Variants in CASP6 observed in about 807,000 individuals in gnomAD.
CASP6 encodes the protein caspase 6.
Under a neutral mutation model 31.8 loss-of-function variants are expected in CASP6, and 20 were observed. The ratio of observed to expected loss-of-function variants is 0.63; its 90% CI spans 0.44 to 0.91. The LOEUF is 0.91. Ranked by LOEUF, CASP6 falls within the 40% of genes least tolerant of loss-of-function variation. CASP6 has a pLI of 0.00. For missense variants in CASP6, 328 were observed against 361.1 expected (o/e 0.91, Z 0.74); for synonymous variants, 130 against 127.8 (o/e 1.02, Z -0.12).
the CASP6 span, among the ~76,000 whole-genome samples, chr4:109,666,749 C>T: frequency 6.6e-6 from 1 of 152,146 alleles, no homozygotes; most frequent in East Asian, 1.9e-4. Context: ...TTGTCTTTCA[C>T]AAGTTGAGGA....
chr4:109,703,493 C>T, upstream of CASP6: 4 of 1,467,974 alleles, frequency 2.7e-6, no homozygotes, highest in Non-Finnish European at 3.7e-6. Flanking sequence ...GGCGGCCCCG[C>T]CCCCTGCCCC....
At chr4:109,708,208 A>G (rs759438698), upstream of CASP6, among the ~76,000 whole-genome samples, 1 of 152,216 alleles carries the variant, frequency 6.6e-6, no homozygotes, top group Non-Finnish European at 1.5e-5. Flanking sequence ...GTTTTTACTC[A>G]AACCATTTAC....
the CASP6 span, among the ~76,000 whole-genome samples, chr4:109,669,657 C>A: frequency 6.7e-6 from 1 of 149,850 alleles, no homozygotes; most frequent in South Asian, 2.1e-4. Context: ...ACATGTTATT[C>A]ATTTTGTGGC....
At position 109,688,889 on chromosome 4, in the gene CASP6, G is replaced by GTTCTCTTCTCTGAGTTCTC. The variant is rs68111507; in HGVS notation, c.*440_*441insGAGAACTCAGAGAAGAGAA. ...ACTTTTTTTTTTTTTTTTTAAGGCA[G>GTTCTCTTCTCTGAGTTCTC]TTCTCTGCTAGGCATTAAACTTTAA... On this transcript the variant is annotated 3_prime_UTR_variant, in exon 7 of 7. Transcript: ENST00000265164. 2.0e-5 allele frequency: 3 copies of GTTCTCTTCTCTGAGTTCTC among 146,814 alleles called. No homozygotes were observed. Among genetic ancestry groups the GTTCTCTTCTCTGAGTTCTC allele is most frequent in the African/African-American group, 7.6e-5 (3 of 39,548 alleles). The allele number at this position is 146,814 out of a possible 1,614,324, so 9.1% of individuals were successfully genotyped here. A position where few individuals can be genotyped will look rare whatever the true frequency, so the allele number is the denominator to read the frequency against.
rs1561256513 is a variant in CASP6, at chr4:109,689,577, G to T, written c.644-9C>A. 1 of 1,608,972 alleles carries T rather than the reference G, an allele frequency of 6.2e-7. No homozygotes were observed. The highest frequency in any genetic ancestry group is 1.1e-5 in the South Asian group (1 of 90,790). ...CCGGTGAGAATAATATCCTAAAAAA[G>T]TGAGAAGGAAAATGTTGCTGCAGTT... On this transcript the variant is annotated splice_polypyrimidine_tract_variant and intron_variant, in intron 6 of 6. Transcript: ENST00000265164.
At chr4:109,667,453 G>A in the CASP6 span, among the ~76,000 whole-genome samples, 1 of 151,738 alleles carries the variant, frequency 6.6e-6, no homozygotes, top group Non-Finnish European at 1.5e-5. Flanking sequence ...TTTCTACCAT[G>A]AGTAACTTGT....
At chr4:109,692,968 G>A (rs1730123013) in intron 5 of CASP6, among the ~76,000 whole-genome samples, 1 of 152,208 alleles carries the variant, frequency 6.6e-6, no homozygotes, top group Admixed American at 6.5e-5. Context: ...AGTGTGGGAG[G>A]TGAAGCCTGG....
At chr4:109,707,532 G>A (rs966437573), upstream of CASP6, among the ~76,000 whole-genome samples, 16 of 151,872 alleles carry the variant, frequency 1.1e-4, no homozygotes, top group African/African-American at 3.4e-4. Flanking sequence ...GATTACAGGC[G>A]TGCACTACCA....
At chr4:109,686,805 G>A (rs1456364820), downstream of CASP6, among the ~76,000 whole-genome samples, 1 of 152,178 alleles carries the variant, frequency 6.6e-6, no homozygotes, top group Non-Finnish European at 1.5e-5. Flanking sequence ...GAACCCAAGA[G>A]TTCCAAAGCT....
chr4:109,708,556 C>T (rs1196652734), upstream of CASP6, among the ~76,000 whole-genome samples: 1 of 152,182 alleles, frequency 6.6e-6, no homozygotes, highest in Non-Finnish European at 1.5e-5. Flanking sequence ...AGTTATCTGA[C>T]CACCAGAACT....
chr4:109,698,447 T>C, intron 1 of CASP6, 105 bp from the exon 2 acceptor site: 1 of 937,180 alleles, frequency 1.1e-6, no homozygotes, highest in East Asian at 2.7e-5. Flanking sequence ...AAGACCCTTC[T>C]GTTTTGGTTA....
At chr4:109,690,247 AACGC>A (rs1224908159) in intron 6 of CASP6, among the ~76,000 whole-genome samples, 4 of 143,398 alleles carry the variant, frequency 2.8e-5, no homozygotes, top group Non-Finnish European at 6.0e-5. Flanking sequence ...AAAAAAAAAA[AACGC>A]ACGCACGCAC....
downstream of CASP6, chr4:109,687,598 C>T: frequency 4.4e-6 from 7 of 1,586,556 alleles, no homozygotes; most frequent in Non-Finnish European, 5.2e-6. Context: ...ATTAATCTTA[C>T]AGTTTTAAAT....
the CASP6 span, among the ~76,000 whole-genome samples, chr4:109,673,378 C>T: frequency 6.6e-6 from 1 of 152,210 alleles, no homozygotes; most frequent in African/African-American, 2.4e-5. Context: ...CTCCTGCCCA[C>T]TCATTAGAAA....
the CASP6 span, among the ~76,000 whole-genome samples, chr4:109,672,850 GTACTTT>G: frequency 3.9e-5 from 6 of 152,030 alleles, no homozygotes. Flanking sequence ...TTTTTTGTAA[GTACTTT>G]TACTTTTTGA....
upstream of CASP6, chr4:109,703,499 G>T: frequency 1.4e-6 from 2 of 1,445,348 alleles, no homozygotes; most frequent in Non-Finnish European, 1.9e-6. Context: ...CCCGCCCCCT[G>T]CCCCCGAGCG....
At chr4:109,685,379 A>C (rs1729817009), downstream of CASP6, 1 of 1,101,272 alleles carries the variant, frequency 9.1e-7, no homozygotes, top group African/African-American at 1.5e-5. Context: ...TATACTACAA[A>C]TACATCTTAT....
intron 1 of CASP6, among the ~76,000 whole-genome samples, chr4:109,698,835 C>T (rs1730331642): frequency 6.6e-6 from 1 of 152,156 alleles, no homozygotes; most frequent in African/African-American, 2.4e-5. Flanking sequence ...AAGACTTGGA[C>T]CTTGGATCTC....
intron 5 of CASP6, chr4:109,691,929 G>A (rs531395957): frequency 6.6e-6 from 1 of 152,340 alleles, no homozygotes; most frequent in East Asian, 1.9e-4. Flanking sequence ...ACGTTCATCT[G>A]AGACTTCCAG....
Sources: gnomAD v4.1 joint callset for allele counts (sites outside exome capture counted in the v4.1 genomes callset) on GRCh38, gnomAD v4.1.1 for gene constraint, MANE v1.5 for transcripts, NCBI Gene and HGNC (gene_info 2026-07-23, HGNC 2026-07-21) for gene names.